RUNX3: variants seen among roughly 807,000 people sequenced by gnomAD.
The protein encoded by RUNX3 is RUNX family transcription factor 3.
Under a neutral mutation model 27.7 loss-of-function variants are expected in RUNX3, and 10 were observed. That is an observed-to-expected ratio of 0.36 (90% CI 0.22 to 0.61). The LOEUF is 0.61. RUNX3 is among the 20% of genes least tolerant of loss of function. The pLI, the probability that RUNX3 is intolerant of heterozygous loss-of-function variation, is 0.72. For synonymous variants in RUNX3, 270 were observed against 269.2 expected (o/e 1.00, Z -0.03); for missense variants, 469 against 629.5 (o/e 0.75, Z 2.73).
At chr1:24,964,473 C>A (rs1642202742) in intron 2 of RUNX3, 1 of 1,546,960 alleles carries the variant, frequency 6.5e-7, no homozygotes, top group Non-Finnish European at 8.8e-7. Context: ...CGGGGCCTGG[C>A]CACAGCTCCC....
Position 24,901,088 on chromosome 1 carries a change from T to C in RUNX3, c.*1034A>G, listed in dbSNP as rs1640539157. On this transcript the variant is annotated 3_prime_UTR_variant, in exon 5 of 5. Coordinates refer to ENST00000308873, the MANE Select transcript of RUNX3 (RefSeq NM_004350.3). ...ATTTGCTTTCAGAGCACAAAACAGG[T>C]TACAGACAGGTGTGTGCCAGGAGTC... 1 of 140,506 alleles carries C rather than the reference T, an allele frequency of 7.1e-6. No homozygotes were observed. The highest frequency in any genetic ancestry group is 2.8e-5 in the African/African-American group (1 of 35,746). 8.7% of individuals were successfully genotyped at this position (140,506 alleles called of 1,614,324 possible).
chr1:24,957,117 C>G (rs1317864548), intron 2 of RUNX3, among the ~76,000 whole-genome samples: 3 of 152,214 alleles, frequency 2.0e-5, no homozygotes, highest in Non-Finnish European at 4.4e-5. Context: ...CCTTTCCGCC[C>G]ACACGTAAGT....
intron 2 of RUNX3, 115 bp from the exon 3 acceptor site, chr1:24,919,459 G>GT (rs1350181071): frequency 4.6e-6 from 3 of 649,262 alleles, no homozygotes; most frequent in Non-Finnish European, 8.1e-6. Flanking sequence ...GGGGCACTCT[G>GT]TCCTCTTTGA....
intron 1 of RUNX3, chr1:24,928,889 G>A: frequency 2.6e-6 from 1 of 378,784 alleles, no homozygotes; most frequent in Non-Finnish European, 5.2e-6. Flanking sequence ...GCTGTGAGAG[G>A]TTTAGGGGAA....
intron 2 of RUNX3, among the ~76,000 whole-genome samples, chr1:24,957,928 T>G (rs1641988411): frequency 6.6e-6 from 1 of 152,256 alleles, no homozygotes; most frequent in Non-Finnish European, 1.5e-5. Flanking sequence ...AAGAGTGCCT[T>G]CCTTTATCCC....
rs1641526882 is a variant in RUNX3 at position 24,943,380 on chromosome 1, C to T, written c.59-13528G>A. Among the ~76,000 whole-genome samples the T allele has an allele frequency of 6.6e-6, 1 of 152,212 alleles. No homozygotes were observed. Among genetic ancestry groups the T allele is most frequent in the Non-Finnish European group, 1.5e-5 (1 of 68,042 alleles). On this transcript the variant is annotated intron_variant, in intron 2 of 6. Coordinates refer to the RUNX3 transcript ENST00000338888. The surrounding 1 kb of genome is among the most constrained non-coding windows in gnomAD (Gnocchi z 4.6). ...CCTGAGGATGTTAGAATCTTCATCG[C>T]AGTAGCTCCCACTGATGGTGTGCTC...
rs936397605 is a variant in RUNX3 at position 24,904,542 on chromosome 1, G to A, written c.704-1876C>T. On this transcript the variant is annotated intron_variant, in intron 4 of 4. Coordinates refer to ENST00000308873, the MANE Select transcript of RUNX3 (RefSeq NM_004350.3). The surrounding 1 kb of genome is among the most constrained non-coding windows in gnomAD (Gnocchi z 5.7). ...CAGTTTTCATCTGGGGAGCCCCTCG[G>A]GGGGAGAGGTCCTGTTGCAGGTGCT... 6.6e-6 allele frequency among the ~76,000 whole-genome samples: 1 copy of A among 152,198 alleles called. No homozygotes were observed. The highest frequency in any genetic ancestry group is 1.5e-5 in the Non-Finnish European group (1 of 68,010).
At chr1:24,928,455 CT>C (rs1641142814) in intron 1 of RUNX3, among the ~76,000 whole-genome samples, 1 of 152,132 alleles carries the variant, frequency 6.6e-6, no homozygotes, top group African/African-American at 2.4e-5. Context: ...AGGCGGATGC[CT>C]TTTGAAAAAG....
At chr1:24,914,998 A>T (rs2124271568) in intron 3 of RUNX3, among the ~76,000 whole-genome samples, 2 of 152,294 alleles carry the variant, frequency 1.3e-5, no homozygotes, top group African/African-American at 4.8e-5. Context: ...ACCCGAAATG[A>T]CATTAATGAA....
intron 4 of RUNX3, among the ~76,000 whole-genome samples, 157 bp downstream of exon 4, chr1:24,907,102 C>T (rs552320387): frequency 2.0e-5 from 3 of 152,348 alleles, no homozygotes; most frequent in Non-Finnish European, 1.5e-5. Context: ...CCACAGGAAC[C>T]GTCTGCAGGT....
At chr1:24,935,161 C>T (rs1456310389), upstream of RUNX3, among the ~76,000 whole-genome samples, 2 of 152,200 alleles carry the variant, frequency 1.3e-5, no homozygotes, top group African/African-American at 2.4e-5. Context: ...AGGACCTTTG[C>T]CTTGCAGGAG....
At position 24,943,788 on chromosome 1, in the gene RUNX3, C is replaced by T. The variant is rs1641538798; in HGVS notation, c.59-13936G>A. 6.6e-6 allele frequency among the ~76,000 whole-genome samples: 1 copy of T among 152,238 alleles called. No homozygotes were observed. The highest frequency in any genetic ancestry group is 6.5e-5 in the Admixed American group (1 of 15,288). ...CTGAGGGCAGGGTCCTCAGCCAGGA[C>T]CTAGGCTCCCAGATGTTACCAACCT... On this transcript the variant is annotated intron_variant, in intron 2 of 6. Transcript: ENST00000338888. This position sits in a 1 kb window ranked among gnomAD's most constrained non-coding sequence, Gnocchi z 4.6.
intron 3 of RUNX3, among the ~76,000 whole-genome samples, chr1:24,918,532 G>A (rs908033737): frequency 8.5e-5 from 13 of 152,278 alleles, no homozygotes; most frequent in Non-Finnish European, 1.9e-4. Flanking sequence ...CCTTGGGGAG[G>A]TGGGATGGAG....
At chr1:24,957,559 A>G (rs1178609342) in intron 2 of RUNX3, among the ~76,000 whole-genome samples, 5 of 152,200 alleles carry the variant, frequency 3.3e-5, no homozygotes, top group Non-Finnish European at 5.9e-5. Flanking sequence ...AGGCTCCCCA[A>G]GGGGGCGGCC....
At chr1:24,942,382 A>C (rs1265153697) in intron 2 of RUNX3, among the ~76,000 whole-genome samples, 2 of 152,194 alleles carry the variant, frequency 1.3e-5, no homozygotes, top group Non-Finnish European at 2.9e-5. Flanking sequence ...ACAAGGAGGC[A>C]AATAAATAAG....
intron 2 of RUNX3, chr1:24,963,054 C>T (rs1379143020): frequency 6.6e-6 from 1 of 152,276 alleles, no homozygotes; most frequent in Non-Finnish European, 1.5e-5. Context: ...AGCCACAGCT[C>T]TCAGCTCTCA....
chr1:24,933,796 C>T (rs1372687556), upstream of RUNX3, among the ~76,000 whole-genome samples: 2 of 152,204 alleles, frequency 1.3e-5, no homozygotes, highest in East Asian at 1.9e-4. Flanking sequence ...CCAGGGACCC[C>T]GTTTCCTTCC....
At chr1:24,909,321 AC>A (rs1640753948) in intron 3 of RUNX3, among the ~76,000 whole-genome samples, 1 of 152,302 alleles carries the variant, frequency 6.6e-6, no homozygotes, top group Non-Finnish European at 1.5e-5. Context: ...CAGAGTCCCC[AC>A]CGTGACCAGT....
At chr1:24,947,327 C>T (rs1641633013) in intron 2 of RUNX3, among the ~76,000 whole-genome samples, 1 of 152,234 alleles carries the variant, frequency 6.6e-6, no homozygotes, top group Non-Finnish European at 1.5e-5. Flanking sequence ...CAGCCAGGTC[C>T]TGTGCCTGTT....
Sources: gnomAD v4.1 joint callset for allele counts (sites outside exome capture counted in the v4.1 genomes callset) on GRCh38, gnomAD v4.1.1 for gene constraint, Gnocchi (gnomAD v3.1) non-coding constraint, MANE v1.5 for transcripts, NCBI Gene and HGNC (gene_info 2026-07-23, HGNC 2026-07-21) for gene names.